Variants in ABAT observed in about 807,000 individuals in gnomAD.
ABAT encodes the protein 4-aminobutyrate aminotransferase.
Under a neutral mutation model 64.6 loss-of-function variants are expected in ABAT, and 45 were observed. That is an observed-to-expected ratio of 0.70 (90% CI 0.55 to 0.89). The LOEUF is 0.89. Ranked by LOEUF, ABAT falls within the 40% of genes least tolerant of loss-of-function variation. The pLI is 0.00. For synonymous variants in ABAT, 297 were observed against 250.5 expected (o/e 1.19, Z -1.75); for missense variants, 633 against 658.4 (o/e 0.96, Z 0.42).
intron 1 of ABAT, among the ~76,000 whole-genome samples, chr16:8,730,654 C>A (rs1471985732): frequency 5.3e-5 from 8 of 152,108 alleles, no homozygotes; most frequent in African/African-American, 1.4e-4. Context: ...TCATCCAGGT[C>A]TAGGATGGAA....
Position 8,743,640 on chromosome 16 carries a change from TAATATATA to T in ABAT, c.71-2359_71-2352del, listed in dbSNP as rs1206834118. 1.9e-4 allele frequency among the ~76,000 whole-genome samples: 9 copies of T among 47,620 alleles called. No homozygotes were observed. In the South Asian group the frequency reaches 2.4e-3, roughly 13 times the overall value. 31.2% of individuals were successfully genotyped at this position (47,620 alleles called of 152,430 possible). A position where few individuals can be genotyped will look rare whatever the true frequency, so the allele number is the denominator to read the frequency against. On this transcript the variant is annotated intron_variant, in intron 2 of 15. Transcript: ENST00000268251. ...AGTTATATGATATATATTTTAGTTA[TAATATATA>T]ATATATATTTTAGTTATAATATGTT...
intron 1 of ABAT, among the ~76,000 whole-genome samples, chr16:8,723,242 TAAAG>T (rs1287380469): frequency 1.3e-5 from 2 of 151,856 alleles, no homozygotes; most frequent in African/African-American, 4.8e-5. Context: ...CTCAAAAAAA[TAAAG>T]AGAGGAAGCC....
intron 1 of ABAT, among the ~76,000 whole-genome samples, chr16:8,725,074 G>A (rs1279587267): frequency 2.0e-5 from 3 of 151,914 alleles, no homozygotes; most frequent in Non-Finnish European, 2.9e-5. Flanking sequence ...CTGCCACCAC[G>A]CCCGGCTAAT....
chr16:8,705,509 A>G (rs1457198090), intron 1 of ABAT: 1 of 152,182 alleles, frequency 6.6e-6, no homozygotes, highest in Non-Finnish European at 1.5e-5. Flanking sequence ...TAAAAGAGCT[A>G]TAACACTGAG....
chr16:8,729,967 G>C (rs2142302201), intron 1 of ABAT, among the ~76,000 whole-genome samples: 1 of 152,298 alleles, frequency 6.6e-6, no homozygotes, highest in South Asian at 2.1e-4. Flanking sequence ...GAATGGGGAA[G>C]TATCTGAGAA....
intron 1 of ABAT, among the ~76,000 whole-genome samples, chr16:8,733,307 G>A (rs112778138): frequency 0.028 from 4,264 of 150,120 alleles, 351 homozygotes; most frequent in African/African-American, 0.1. Flanking sequence ...CACTTCCTAG[G>A]TGGGATGGCG....
intron 9 of ABAT, among the ~76,000 whole-genome samples, 185 bp downstream of exon 9, chr16:8,766,455 G>C (rs2059948144): frequency 6.6e-6 from 1 of 152,154 alleles, no homozygotes; most frequent in South Asian, 2.1e-4. Context: ...AGGAGTTCAA[G>C]ACCAGCCTGG....
At chr16:8,711,768 A>ATGGGTGGC (rs755734626) in intron 1 of ABAT, among the ~76,000 whole-genome samples, 1 of 129,762 alleles carries the variant, frequency 7.7e-6, no homozygotes, top group Non-Finnish European at 1.7e-5. Context: ...GGGAAGATGG[A>ATGGGTGGC]TGGATGGATG....
At chr16:8,763,281 T>G (rs964002052) in intron 6 of ABAT, among the ~76,000 whole-genome samples, 1 of 152,146 alleles carries the variant, frequency 6.6e-6, no homozygotes, top group Admixed American at 6.5e-5. Context: ...TTGGGGCAAG[T>G]TGCTTGACCT....
chr16:8,677,360 C>G (rs969337700), intron 1 of ABAT, among the ~76,000 whole-genome samples: 1 of 152,158 alleles, frequency 6.6e-6, no homozygotes, highest in Non-Finnish European at 1.5e-5. Context: ...CCTAGAGAGA[C>G]AGTGTAGTAT....
In ABAT at chr16:8,779,673, C is replaced by T. The variant is rs547090321; in HGVS notation, c.1381+83C>T. ...CTGCCACATGTTGCTAGGTACTCAG[C>T]AATATTTTGTGTGGGGGGCAGGTGG... is the stretch of plus-strand genomic sequence containing the variant. On this transcript the variant is annotated intron_variant, in intron 15 of 15. Coordinates refer to ENST00000268251, the MANE Select transcript of ABAT (RefSeq NM_020686.6). The T allele has an allele frequency of 9.0e-4, 1,056 of 1,167,662 alleles. 13 individuals carry two copies. The South Asian group carries it at 0.013, about 14-fold the overall frequency. 72.3% of individuals were successfully genotyped at this position (1,167,662 alleles called of 1,614,324 possible). A position where few individuals can be genotyped will look rare whatever the true frequency, so the allele number is the denominator to read the frequency against.
intron 5 of ABAT, 24 bp from the exon 6 acceptor site, chr16:8,757,733 C>CT: frequency 6.2e-7 from 1 of 1,613,420 alleles, no homozygotes; most frequent in Non-Finnish European, 8.5e-7. Context: ...AATGAGGTCT[C>CT]TAACAATACT....
chr16:8,700,759 C>T (rs935842436), intron 1 of ABAT, among the ~76,000 whole-genome samples: 5 of 152,054 alleles, frequency 3.3e-5, no homozygotes, highest in African/African-American at 4.8e-5. Context: ...CTACACCTGG[C>T]GCATTTTAAA....
chr16:8,710,379 C>T (rs1049751322), intron 1 of ABAT, among the ~76,000 whole-genome samples: 1 of 152,046 alleles, frequency 6.6e-6, no homozygotes, highest in Non-Finnish European at 1.5e-5. Context: ...CTTTTGCATG[C>T]CATTTCTACC....
intron 1 of ABAT, among the ~76,000 whole-genome samples, chr16:8,724,746 C>CAAAAAAAAAA (rs869130725): frequency 1.5e-4 from 1 of 6,590 alleles, no homozygotes; most frequent in Admixed American, 2.4e-3. Flanking sequence ...AAAAAAAAAA[C>CAAAAAAAAAA]AAAAAAAAAA....
rs193300286 is a variant in ABAT at position 8,746,857 on chromosome 16, T to C, written c.168+759T>C. 1.4e-3 allele frequency among the ~76,000 whole-genome samples: 215 copies of C among 152,298 alleles called. 1 individual carries two copies. The highest frequency in any genetic ancestry group is 4.8e-3 in the African/African-American group (201 of 41,566). Reference sequence around the variant, plus strand: ...CAATTGCTCGTGCATTTAAGGTTCATTGGGAGTTGGGTAGACAGCTCTGTT... The same window carrying C: ...CAATTGCTCGTGCATTTAAGGTTCACTGGGAGTTGGGTAGACAGCTCTGTT... On this transcript the variant is annotated intron_variant, in intron 3 of 15. Transcript: ENST00000268251.
At chr16:8,730,769 T>C (rs1243819392) in intron 1 of ABAT, among the ~76,000 whole-genome samples, 1 of 152,076 alleles carries the variant, frequency 6.6e-6, no homozygotes, top group Non-Finnish European at 1.5e-5. Context: ...TTTCAGGTGT[T>C]GCAACTCGCA....
chr16:8,771,464 C>CTTTTTTTTTTTTTTTTTTTTTTTTTTTTT (rs1207440161), intron 11 of ABAT, among the ~76,000 whole-genome samples: 1 of 108,456 alleles, frequency 9.2e-6, no homozygotes, highest in African/African-American at 3.2e-5. Context: ...TAGGGTTTTT[C>CTTTTTTTTTTTTTTTTTTTTTTTTTTTTT]TTTCTTTTTT....
In ABAT at chr16:8,764,648, G is replaced by A. The variant is rs764927007; in HGVS notation, c.448-90G>A. ...CCCTGGTTCTGTCTGTCCCCGGTAC[G>A]GCCCCTGCGAAGATTCAGCTCCAGC... is the stretch of plus-strand genomic sequence containing the variant. On this transcript the variant is annotated intron_variant, in intron 7 of 15. Transcript: ENST00000268251. The surrounding 1 kb of genome is among the most constrained non-coding windows in gnomAD (Gnocchi z 4.2). 6.5e-5 allele frequency: 80 copies of A among 1,228,804 alleles called. No homozygotes were observed. The highest frequency in any genetic ancestry group is 2.2e-4 in the African/African-American group (15 of 67,296). 76.1% of individuals were successfully genotyped at this position (1,228,804 alleles called of 1,614,324 possible).
Sources: allele counts gnomAD v4.1 joint callset (sites outside exome capture counted in the v4.1 genomes callset), GRCh38; gene constraint gnomAD v4.1.1; non-coding constraint Gnocchi (gnomAD v3.1); transcripts MANE v1.5; gene names NCBI Gene and HGNC (gene_info 2026-07-23, HGNC 2026-07-21).